Variants in ARID3C observed in about 807,000 individuals in gnomAD.
ARID3C encodes the protein AT-rich interactive domain-containing protein 3C.
ARID3C carries 42 observed loss-of-function variants against 37.9 expected under a neutral mutation model. The observed-to-expected ratio is 1.11, with a 90% CI of 0.87 to 1.43. ARID3C has a LOEUF of 1.43. Among genes scored for constraint, ARID3C ranks in the 40% most tolerant of loss-of-function variants. The pLI, the probability that ARID3C is intolerant of heterozygous loss-of-function variation, is 0.00. For synonymous variants in ARID3C, 213 were observed against 228.0 expected (o/e 0.93, Z 0.59); for missense variants, 581 against 548.8 (o/e 1.06, Z -0.59).
chr9:34,623,334 G>A, intron 4 of ARID3C, 91 bp downstream of exon 5: 1 of 1,401,326 alleles, frequency 7.1e-7, no homozygotes, highest in Non-Finnish European at 9.4e-7. Flanking sequence ...TGCCTCCCCA[G>A]ACCTCAATCC....
intron 2 of ARID3C, among the ~76,000 whole-genome samples, chr9:34,624,938 G>A (rs1173924902): frequency 6.6e-6 from 1 of 152,124 alleles, no homozygotes; most frequent in African/African-American, 2.4e-5. Flanking sequence ...GAACCAGAAT[G>A]GGCCTCCCTG....
exon 1 of ARID3C, chr9:34,627,817 G>A (rs145660566): frequency 2.3e-4 from 370 of 1,613,202 alleles, no homozygotes; most frequent in Non-Finnish European, 2.9e-4. Flanking sequence ...CCTCTGCCCC[G>A]GCTTCCTCCC....
chr9:34,622,592 C>T, intron 4 of ARID3C, 63 bp from the exon 6 acceptor site: 2 of 1,494,970 alleles, frequency 1.3e-6, no homozygotes, highest in African/African-American at 1.4e-5. Context: ...TGGTTCTCCC[C>T]CAGGCCTGGG....
At chr9:34,621,604 G>A (rs1485690038) in intron 6 of ARID3C, 46 bp from the exon 8 acceptor site, 2 of 1,390,634 alleles carry the variant, frequency 1.4e-6, no homozygotes, top group Non-Finnish European at 2.0e-6. Context: ...ACAAGCAGGA[G>A]GGGGTAGGGT....
chr9:34,631,162 C>T (rs10046843), upstream of ARID3C, among the ~76,000 whole-genome samples: 58,990 of 152,012 alleles, frequency 0.39, 12,026 homozygotes, highest in African/African-American at 0.5. Flanking sequence ...AGGTAGGTGG[C>T]CAGAGTCTTC....
intron 4 of ARID3C, 65 bp downstream of exon 5, chr9:34,623,360 T>A: frequency 6.9e-7 from 1 of 1,445,042 alleles, no homozygotes; most frequent in Non-Finnish European, 9.1e-7. Context: ...TTTTAATGGT[T>A]GCTATATCTT....
chr9:34,629,721 T>A (rs746039135), upstream of ARID3C, among the ~76,000 whole-genome samples: 7 of 152,212 alleles, frequency 4.6e-5, no homozygotes, highest in Non-Finnish European at 1.0e-4. Flanking sequence ...GACATTCTAT[T>A]ATGGAAATTT....
exon 1 of ARID3C, chr9:34,627,746 G>A: frequency 3.7e-6 from 6 of 1,614,106 alleles, no homozygotes; most frequent in Non-Finnish European, 5.1e-6. Context: ...GAGTCCAGGG[G>A]GCTGGCTAGA....
chr9:34,621,988 A>G (rs760196604), intron 6 of ARID3C, 32 bp downstream of exon 7: 1 of 1,605,070 alleles, frequency 6.2e-7, no homozygotes, highest in East Asian at 2.2e-5. Flanking sequence ...CCCTGACCCC[A>G]TGCCAGTGTA....
At chr9:34,624,529 C>G (rs930885721) in intron 2 of ARID3C, among the ~76,000 whole-genome samples, 2 of 152,344 alleles carry the variant, frequency 1.3e-5, no homozygotes, top group African/African-American at 4.8e-5. Context: ...TCGGACAGTG[C>G]TGAAGAGCCG....
chr9:34,622,651 C>G (rs1006907289), intron 4 of ARID3C, 122 bp from the exon 6 acceptor site: 17 of 1,016,064 alleles, frequency 1.7e-5, no homozygotes, highest in Non-Finnish European at 2.4e-5. Context: ...ATCCTTCATT[C>G]GATCTATCTT....
chr9:34,629,902 A>G (rs1820707868), upstream of ARID3C, among the ~76,000 whole-genome samples: 1 of 151,930 alleles, frequency 6.6e-6, no homozygotes, highest in Admixed American at 6.6e-5. Flanking sequence ...AGCTGGGATT[A>G]CAGGCGTCCA....
upstream of ARID3C, among the ~76,000 whole-genome samples, chr9:34,629,794 C>A (rs770074687): frequency 6.6e-6 from 1 of 151,820 alleles, no homozygotes; most frequent in Non-Finnish European, 1.5e-5. Context: ...TCTCTGTCAC[C>A]CAGGCTGGAG....
intron 4 of ARID3C, 104 bp downstream of exon 5, chr9:34,623,321 C>G: frequency 7.4e-7 from 1 of 1,354,510 alleles, no homozygotes. Flanking sequence ...TCCCATACCT[C>G]AATGCCTCCC....
At chr9:34,623,821 G>A (rs1348397605) in intron 3 of ARID3C, 43 bp downstream of exon 4, 21 of 674,308 alleles carry the variant, frequency 3.1e-5, no homozygotes, top group Non-Finnish European at 4.6e-5. Flanking sequence ...GCCCCAGGCC[G>A]AACCCGTGCC....
upstream of ARID3C, among the ~76,000 whole-genome samples, chr9:34,632,179 T>G (rs1378568032): frequency 6.6e-6 from 1 of 152,198 alleles, no homozygotes; most frequent in Admixed American, 6.5e-5. Context: ...CAAGAGATAC[T>G]ATTATATAAG....
exon 7 of ARID3C, chr9:34,621,388 A>T: frequency 8.8e-7 from 1 of 1,135,854 alleles, no homozygotes; most frequent in Non-Finnish European, 1.2e-6. Flanking sequence ...GCAGCCAGAA[A>T]GAATCAAAGC....
rs1820621356 is a variant in ARID3C at position 34,624,047 on chromosome 9, C to T, written c.392G>A (p.Gly131Glu). 1.3e-6 allele frequency: 2 copies of T among 1,582,194 alleles called. No individual in the cohort carries two copies. Among genetic ancestry groups the T allele is most frequent in the Non-Finnish European group, 1.7e-6 (2 of 1,166,614 alleles). ...GATGGGCACGCGGTTCACTGGCGTC[C>T]CTGGTGGGGAGCGGGCTGCCGTCAG... The change falls in exon 3 of 7, where the codon GGG (glycine) becomes GAG (glutamate). Residue 131 changes from glycine (G) to glutamate (E), a missense_variant and splice_region_variant. By Grantham distance (98) the Gly-to-Glu change is moderately conservative. Transcript: ENST00000378909.
chr9:34,621,169 G>T (rs888782818), downstream of ARID3C, among the ~76,000 whole-genome samples: 7 of 152,198 alleles, frequency 4.6e-5, no homozygotes, highest in African/African-American at 1.7e-4. Flanking sequence ...AAAGGGTAGG[G>T]TCCTAGAGAT....
Sources: allele counts gnomAD v4.1 joint callset (sites outside exome capture counted in the v4.1 genomes callset), GRCh38; gene constraint gnomAD v4.1.1; transcripts MANE v1.5; gene names NCBI Gene and HGNC (gene_info 2026-07-23, HGNC 2026-07-21).